The following NRG3 variants were observed in gnomAD, a reference collection of about 807,000 sequenced individuals.
The protein encoded by NRG3 is pro-neuregulin-3, membrane-bound isoform.
Under a neutral mutation model 66.9 loss-of-function variants are expected in NRG3, and 31 were observed. The observed-to-expected ratio is 0.46, with a 90% CI of 0.35 to 0.63. NRG3 has a LOEUF of 0.63. NRG3 is among the 20% of genes least tolerant of loss of function. The pLI is 0.00. For missense variants in NRG3, 910 were observed against 878.9 expected, an observed-to-expected ratio of 1.04 and a Z score of -0.45; for synonymous variants, 393 against 359.4, an observed-to-expected ratio of 1.09 and a Z score of -1.06.
intron 3 of NRG3, among the ~76,000 whole-genome samples, chr10:82,831,706 C>T (rs754849897): frequency 6.6e-6 from 1 of 151,824 alleles, no homozygotes; most frequent in Non-Finnish European, 1.5e-5. Context: ...CCCAGTTACT[C>T]GGGAGGCTGA....
rs532243917 is a variant in NRG3 at position 82,811,279 on chromosome 10, C to T, written c.1028-54132C>T. ...AAACTCTATGAAGGAAGAAGCTTCA[C>T]CTGTTTGTTCACTGCCATATCACCA... On this transcript the variant is annotated intron_variant, in intron 3 of 8. Coordinates refer to ENST00000372141, the MANE Select transcript of NRG3 (RefSeq NM_001010848.4). 5.9e-5 allele frequency among the ~76,000 whole-genome samples: 9 copies of T among 152,314 alleles called. 1 individual carries two copies. The South Asian group carries it at 1.9e-3, about 32-fold the overall frequency.
chr10:82,984,868 G>A, intron 8 of NRG3: 1 of 1,443,946 alleles, frequency 6.9e-7, no homozygotes, highest in Non-Finnish European at 9.6e-7. Context: ...AGAAGATCTG[G>A]GTTTGAGTCT....
intron 1 of NRG3, among the ~76,000 whole-genome samples, chr10:81,896,627 T>G (rs1468988627): frequency 6.6e-6 from 1 of 151,806 alleles, no homozygotes; most frequent in Non-Finnish European, 1.5e-5. Flanking sequence ...AGTATATTAG[T>G]AGATTTAATC....
chr10:82,091,214 G>A (rs1213807332), intron 1 of NRG3, among the ~76,000 whole-genome samples: 2 of 152,056 alleles, frequency 1.3e-5, no homozygotes, highest in East Asian at 3.9e-4. Context: ...GGTAGTCTTA[G>A]ATACATTCAC....
At chr10:82,771,432 G>A (rs948124747) in intron 3 of NRG3, among the ~76,000 whole-genome samples, 2 of 152,042 alleles carry the variant, frequency 1.3e-5, no homozygotes, top group African/African-American at 2.4e-5. Context: ...GCTGACAAGG[G>A]TTCCATTCTG....
At chr10:81,947,182 C>T (rs1321765563) in intron 1 of NRG3, among the ~76,000 whole-genome samples, 1 of 152,080 alleles carries the variant, frequency 6.6e-6, no homozygotes, top group Non-Finnish European at 1.5e-5. Context: ...TCGCAGTATC[C>T]ACCCTGAGTC....
chr10:82,599,281 T>C (rs1194308645), intron 2 of NRG3, among the ~76,000 whole-genome samples: 1 of 151,894 alleles, frequency 6.6e-6, no homozygotes, highest in Non-Finnish European at 1.5e-5. Flanking sequence ...ATTAGAAAAA[T>C]AGGTAGAGAT....
At chr10:82,729,854 A>G (rs2057800336) in intron 2 of NRG3, among the ~76,000 whole-genome samples, 1 of 152,096 alleles carries the variant, frequency 6.6e-6, no homozygotes, top group Non-Finnish European at 1.5e-5. Flanking sequence ...TAGTTGAGCA[A>G]ACTCATTTGT....
intron 2 of NRG3, among the ~76,000 whole-genome samples, chr10:82,550,173 C>T (rs541651709): frequency 2.0e-5 from 3 of 152,090 alleles, no homozygotes; most frequent in Admixed American, 6.6e-5. Flanking sequence ...AAAAATATTC[C>T]GTTTATCTTT....
intron 2 of NRG3, among the ~76,000 whole-genome samples, chr10:82,551,395 T>C (rs1421443635): frequency 6.6e-6 from 1 of 152,032 alleles, no homozygotes; most frequent in Non-Finnish European, 1.5e-5. Flanking sequence ...AGTTCTCTCA[T>C]AGAGGAGGAA....
Position 82,909,822 on chromosome 10 carries a change from C to T in NRG3, c.1055-41647C>T, listed in dbSNP as rs944691740. ...AAGAAGGATTTATGTTAATTTAGAA[C>T]ACAGAAAGTCAAGCTGTTGGAGAAA... On this transcript the variant is annotated intron_variant, in intron 4 of 8. Coordinates refer to ENST00000372141, the MANE Select transcript of NRG3 (RefSeq NM_001010848.4). Among the ~76,000 whole-genome samples, 13 of 152,136 alleles carry T rather than the reference C, an allele frequency of 8.5e-5. 1 individual carries two copies. The South Asian group carries it at 2.7e-3, about 31-fold the overall frequency.
intron 1 of NRG3, among the ~76,000 whole-genome samples, chr10:82,334,423 G>A (rs1374575270): frequency 1.3e-5 from 2 of 152,172 alleles, no homozygotes; most frequent in African/African-American, 4.8e-5. Flanking sequence ...ATGACAAAAG[G>A]AATGTGGAAT....
chr10:82,279,058 G>C (rs2079001690), intron 1 of NRG3, among the ~76,000 whole-genome samples: 1 of 152,142 alleles, frequency 6.6e-6, no homozygotes, highest in Non-Finnish European at 1.5e-5. Context: ...GTGGATACAG[G>C]AGTCATAGCT....
At chr10:81,886,941 T>G (rs1282140865) in intron 1 of NRG3, among the ~76,000 whole-genome samples, 1 of 152,162 alleles carries the variant, frequency 6.6e-6, no homozygotes, top group Non-Finnish European at 1.5e-5. Flanking sequence ...GATTTTGGAA[T>G]AGGGATGCTG....
At chr10:82,572,721 C>A (rs544053773) in intron 2 of NRG3, among the ~76,000 whole-genome samples, 1 of 151,562 alleles carries the variant, frequency 6.6e-6, no homozygotes, top group Admixed American at 6.6e-5. Flanking sequence ...ATGTGAATAC[C>A]TGATCAGAGG....
At chr10:81,881,060 CAT>C (rs1842134761) in intron 1 of NRG3, among the ~76,000 whole-genome samples, 1 of 152,112 alleles carries the variant, frequency 6.6e-6, no homozygotes, top group African/African-American at 2.4e-5. Context: ...TCATTAGACA[CAT>C]GTTTAGTTTG....
intron 4 of NRG3, among the ~76,000 whole-genome samples, chr10:82,873,193 G>T (rs1015689298): frequency 4.6e-5 from 7 of 152,090 alleles, no homozygotes; most frequent in African/African-American, 1.7e-4. Context: ...TACGGTGTCA[G>T]TTAAAAAATA....
chr10:82,504,377 T>C (rs1844480761), intron 2 of NRG3, among the ~76,000 whole-genome samples: 1 of 152,212 alleles, frequency 6.6e-6, no homozygotes, highest in Non-Finnish European at 1.5e-5. Context: ...TAGCATTTTT[T>C]TTCCTGGGTA....
intron 2 of NRG3, among the ~76,000 whole-genome samples, chr10:82,434,633 TTTA>T (rs2136359394): frequency 6.6e-6 from 1 of 152,166 alleles, no homozygotes; most frequent in South Asian, 2.1e-4. Context: ...CAATACCTGG[TTTA>T]TTGAGAGTTT....
Sources: allele counts gnomAD v4.1 joint callset (sites outside exome capture counted in the v4.1 genomes callset), GRCh38; gene constraint gnomAD v4.1.1; transcripts MANE v1.5; gene names NCBI Gene and HGNC (gene_info 2026-07-23, HGNC 2026-07-21).